The following AFF3 variants were observed in gnomAD, a reference collection of about 807,000 sequenced individuals.
AFF3 encodes ALF transcription elongation factor 3.
In AFF3, 32 loss-of-function variants were observed where a neutral mutation model predicts 129.7. That is an observed-to-expected ratio of 0.25 (90% CI 0.19 to 0.33). AFF3 has a LOEUF of 0.33. Ranked by LOEUF, AFF3 falls within the 10% of genes least tolerant of loss-of-function variation. AFF3 has a pLI of 1.00. For missense variants in AFF3, 1,373 were observed against 1,592.0 expected, an observed-to-expected ratio of 0.86 and a Z score of 2.34; for synonymous variants, 644 against 635.4, an observed-to-expected ratio of 1.01 and a Z score of -0.20.
At chr2:100,141,149 G>A (rs918337346) in intron 1 of AFF3, among the ~76,000 whole-genome samples, 2 of 152,190 alleles carry the variant, frequency 1.3e-5, no homozygotes, top group African/African-American at 2.4e-5. Context: ...TGGGAACTCC[G>A]ATGCAGAGAT....
Position 99,545,725 on chromosome 2 carries a change from G to A in AFF3, c.*5749C>T, listed in dbSNP as rs963584331. 5.9e-6 allele frequency: 1 copy of A among 170,478 alleles called. No individual in the cohort carries two copies. Among genetic ancestry groups the A allele is most frequent in the African/African-American group, 2.4e-5 (1 of 41,962 alleles). 10.6% of individuals were successfully genotyped at this position (170,478 alleles called of 1,614,324 possible). A position where few individuals can be genotyped will look rare whatever the true frequency, so the allele number is the denominator to read the frequency against. The stretch of plus-strand genomic sequence containing the variant: ...AGGTGGATTTTCAAAGTAACACACA[G>A]AGATTTAATCCCTTGATTCCCATTA... On this transcript the variant is annotated 3_prime_UTR_variant, in exon 25 of 25. Coordinates refer to ENST00000672756, the MANE Select transcript of AFF3 (RefSeq NM_001386135.1).
chr2:99,634,909 G>C (rs185582139), intron 13 of AFF3, among the ~76,000 whole-genome samples: 62 of 150,962 alleles, frequency 4.1e-4, no homozygotes, highest in Admixed American at 1.5e-3. Flanking sequence ...GGCCCCATGT[G>C]CAGTGCTCAG....
intron 7 of AFF3, among the ~76,000 whole-genome samples, chr2:99,868,838 G>A (rs1449812664): frequency 1.3e-5 from 2 of 152,156 alleles, no homozygotes; most frequent in East Asian, 1.9e-4. Context: ...TGTCACCCAG[G>A]CTGGAGTGCA....
intron 4 of AFF3, among the ~76,000 whole-genome samples, chr2:100,044,282 G>A (rs1685664332): frequency 6.6e-6 from 1 of 152,152 alleles, no homozygotes; most frequent in Non-Finnish European, 1.5e-5. Context: ...AGCTCACCCC[G>A]TGTATTCATG....
At chr2:100,087,970 T>C (rs1471261211) in intron 4 of AFF3, among the ~76,000 whole-genome samples, 1 of 150,938 alleles carries the variant, frequency 6.6e-6, no homozygotes, top group Non-Finnish European at 1.5e-5. Context: ...AAATCACACA[T>C]CCTTTTGTGC....
At chr2:100,121,180 A>G (rs1476684458) in intron 2 of AFF3, among the ~76,000 whole-genome samples, 1 of 152,154 alleles carries the variant, frequency 6.6e-6, no homozygotes, top group Non-Finnish European at 1.5e-5. Flanking sequence ...TTCCTGCTTG[A>G]ATGTTGCCTT....
At chr2:99,731,859 G>A (rs2105037067) in intron 10 of AFF3, among the ~76,000 whole-genome samples, 1 of 152,220 alleles carries the variant, frequency 6.6e-6, no homozygotes. Context: ...CTCAAGCTAA[G>A]GTTATGTTCT....
At chr2:99,872,382 A>G (rs1044422158) in intron 7 of AFF3, among the ~76,000 whole-genome samples, 2 of 151,916 alleles carry the variant, frequency 1.3e-5, no homozygotes, top group Non-Finnish European at 2.9e-5. Flanking sequence ...CAGATTTCAA[A>G]CGATGTGGAG....
At chr2:99,924,674 C>CA (rs1201668793) in intron 7 of AFF3, among the ~76,000 whole-genome samples, 1 of 152,174 alleles carries the variant, frequency 6.6e-6, no homozygotes, top group East Asian at 1.9e-4. Context: ...CAGTCTGTCA[C>CA]ATTACTTATA....
intron 11 of AFF3, among the ~76,000 whole-genome samples, chr2:99,697,005 T>C (rs973416189): frequency 7.9e-5 from 12 of 152,166 alleles, no homozygotes; most frequent in Non-Finnish European, 1.3e-4. Context: ...TCCTTTGCTT[T>C]CCTCTTCTAT....
intron 10 of AFF3, among the ~76,000 whole-genome samples, chr2:99,732,220 T>C (rs1679889430): frequency 6.6e-6 from 1 of 151,492 alleles, no homozygotes; most frequent in Non-Finnish European, 1.5e-5. Context: ...CCAGGCGTGG[T>C]GGTGGGCGCC....
intron 20 of AFF3, among the ~76,000 whole-genome samples, chr2:99,561,069 C>T (rs554926030): frequency 6.6e-6 from 1 of 152,324 alleles, no homozygotes; most frequent in South Asian, 2.1e-4. Context: ...TATGCAGACT[C>T]TTTGAGAGAG....
At chr2:99,573,217 C>T (rs928139891) in intron 18 of AFF3, among the ~76,000 whole-genome samples, 5 of 152,112 alleles carry the variant, frequency 3.3e-5, no homozygotes, top group South Asian at 4.1e-4. Flanking sequence ...TCCTTGTCTC[C>T]GCACCCTGTC....
At chr2:99,729,367 A>C (rs1304978538) in intron 10 of AFF3, among the ~76,000 whole-genome samples, 1 of 152,176 alleles carries the variant, frequency 6.6e-6, no homozygotes, top group Non-Finnish European at 1.5e-5. Context: ...ATGTTGTGGC[A>C]ACAGGGCAAA....
intron 13 of AFF3, among the ~76,000 whole-genome samples, chr2:99,639,843 G>A (rs751900934): frequency 4.6e-5 from 7 of 151,638 alleles, no homozygotes; most frequent in Admixed American, 6.6e-5. Flanking sequence ...GTGTGCCACC[G>A]CACCCAGCTA....
intron 18 of AFF3, among the ~76,000 whole-genome samples, chr2:99,574,016 T>A (rs546366134): frequency 6.6e-6 from 1 of 152,202 alleles, no homozygotes; most frequent in African/African-American, 2.4e-5. Flanking sequence ...GAGGCCTTCA[T>A]GACACAGTTG....
At chr2:99,965,485 AT>A (rs1163988877) in intron 7 of AFF3, among the ~76,000 whole-genome samples, 3 of 152,248 alleles carry the variant, frequency 2.0e-5, no homozygotes, top group African/African-American at 4.8e-5. Context: ...AGAAATCCAC[AT>A]TAAACTTGCA....
chr2:99,932,043 T>C (rs988826822), intron 7 of AFF3, among the ~76,000 whole-genome samples: 4 of 152,204 alleles, frequency 2.6e-5, no homozygotes, highest in Non-Finnish European at 4.4e-5. Flanking sequence ...CTGCAAATAC[T>C]AGGTGCATTT....
chr2:100,088,259 G>GTA (rs1336336179), intron 4 of AFF3, among the ~76,000 whole-genome samples: 2 of 151,882 alleles, frequency 1.3e-5, no homozygotes, highest in East Asian at 1.9e-4. Context: ...ATAATCATGT[G>GTA]TATATATATA....
Sources: gnomAD v4.1 joint callset for allele counts (sites outside exome capture counted in the v4.1 genomes callset) on GRCh38, gnomAD v4.1.1 for gene constraint, MANE v1.5 for transcripts, NCBI Gene and HGNC (gene_info 2026-07-23, HGNC 2026-07-21) for gene names.